Variants in NALF1 observed in about 807,000 individuals in gnomAD.
NALF1 encodes the protein family with sequence similarity 155 member A.
A neutral mutation model predicts 48.4 loss-of-function variants in NALF1; 3 were observed. That is an observed-to-expected ratio of 0.06 (90% confidence interval 0.03 to 0.16). NALF1 has a LOEUF of 0.16. Among genes scored for constraint, NALF1 ranks in the 10% least tolerant of loss-of-function variants. The probability of loss-of-function intolerance (pLI) is 1.00; values close to 1 mark genes in which losing one functional copy is unlikely to be tolerated. For missense variants in NALF1, 526 were observed against 571.5 expected (o/e 0.92, Z 0.81); for synonymous variants, 262 against 245.7 (o/e 1.07, Z -0.62).
At chr13:107,370,833 C>A (rs1336022084) in intron 1 of NALF1, among the ~76,000 whole-genome samples, 1 of 152,292 alleles carries the variant, frequency 6.6e-6, no homozygotes, top group East Asian at 1.9e-4. Context: ...ACACGTCCTT[C>A]TTCACATGGC....
At chr13:107,762,381 C>A (rs954652901) in intron 1 of NALF1, among the ~76,000 whole-genome samples, 3 of 151,914 alleles carry the variant, frequency 2.0e-5, no homozygotes, top group Non-Finnish European at 2.9e-5. Flanking sequence ...ACATATGTAA[C>A]AAACCTGCAC....
At chr13:107,207,272 C>T (rs1483752669) in intron 2 of NALF1, among the ~76,000 whole-genome samples, 1 of 151,924 alleles carries the variant, frequency 6.6e-6, no homozygotes. Flanking sequence ...GATGCTATAA[C>T]TACACTGGTC....
chr13:107,548,031 C>T (rs1054752272), intron 1 of NALF1, among the ~76,000 whole-genome samples: 4 of 151,890 alleles, frequency 2.6e-5, no homozygotes, highest in African/African-American at 9.7e-5. Context: ...TATAGGTGAA[C>T]TCGTGTCACA....
intron 1 of NALF1, among the ~76,000 whole-genome samples, chr13:107,300,826 C>A (rs187061400): frequency 6.6e-6 from 1 of 152,066 alleles, no homozygotes; most frequent in Non-Finnish European, 1.5e-5. Context: ...ATTAGCTAAA[C>A]GAGAGGAACA....
At chr13:107,463,825 T>C (rs1416633954) in intron 1 of NALF1, among the ~76,000 whole-genome samples, 1 of 152,178 alleles carries the variant, frequency 6.6e-6, no homozygotes, top group Non-Finnish European at 1.5e-5. Flanking sequence ...ATACCATTGT[T>C]AATGCCTTAC....
chr13:107,306,091 TCTTA>T (rs1239392536), intron 1 of NALF1, among the ~76,000 whole-genome samples: 2 of 152,322 alleles, frequency 1.3e-5, no homozygotes, highest in Non-Finnish European at 2.9e-5. Context: ...TTAGTTCCAT[TCTTA>T]CTTCTTTATA....
At chr13:107,280,261 T>G (rs1276502158) in intron 1 of NALF1, among the ~76,000 whole-genome samples, 1 of 152,216 alleles carries the variant, frequency 6.6e-6, no homozygotes, top group East Asian at 1.9e-4. Context: ...ATGCTTTCTT[T>G]CCACGAAAAT....
chr13:107,722,495 G>T (rs1876015691), intron 1 of NALF1, among the ~76,000 whole-genome samples: 1 of 152,086 alleles, frequency 6.6e-6, no homozygotes, highest in African/African-American at 2.4e-5. Context: ...TGGGTGTTCT[G>T]GGCACAGGAA....
At chr13:107,801,565 A>G (rs994429333) in intron 1 of NALF1, among the ~76,000 whole-genome samples, 2 of 152,166 alleles carry the variant, frequency 1.3e-5, no homozygotes, top group African/African-American at 2.4e-5. Flanking sequence ...CTGTCAATGG[A>G]AAATATAAAT....
chr13:107,223,020 C>T (rs545773912), intron 1 of NALF1, among the ~76,000 whole-genome samples: 4 of 152,100 alleles, frequency 2.6e-5, no homozygotes, highest in South Asian at 2.1e-4. Context: ...CCATTTTCTC[C>T]GATACATTTT....
At chr13:107,377,111 C>A (rs78945958) in intron 1 of NALF1, among the ~76,000 whole-genome samples, 3,074 of 152,296 alleles carry the variant, frequency 0.02, 50 homozygotes, top group South Asian at 0.041. Flanking sequence ...TAAGTCTACA[C>A]ATCATCTGCT....
intron 1 of NALF1, among the ~76,000 whole-genome samples, chr13:107,667,849 T>C (rs1880898605): frequency 6.6e-6 from 1 of 152,136 alleles, no homozygotes; most frequent in Non-Finnish European, 1.5e-5. Flanking sequence ...AGAAGAGCAT[T>C]CAAATTTTTG....
intron 1 of NALF1, among the ~76,000 whole-genome samples, chr13:107,239,391 T>C (rs1028315501): frequency 2.0e-5 from 3 of 152,184 alleles, no homozygotes; most frequent in Non-Finnish European, 4.4e-5. Context: ...TCTGGTCACA[T>C]GGCCTTCTCC....
At chr13:107,477,613 C>T (rs1885192816) in intron 1 of NALF1, among the ~76,000 whole-genome samples, 1 of 152,102 alleles carries the variant, frequency 6.6e-6, no homozygotes, top group African/African-American at 2.4e-5. Context: ...ACAGGTTACT[C>T]TTGGTAGTTG....
chr13:107,262,756 A>G (rs919515556), intron 1 of NALF1, among the ~76,000 whole-genome samples: 3 of 116,512 alleles, frequency 2.6e-5, no homozygotes, highest in African/African-American at 1.1e-4. Flanking sequence ...ATTAAGTTGC[A>G]TAACCCACAG....
At chr13:107,275,095 C>T (rs890238636) in intron 1 of NALF1, among the ~76,000 whole-genome samples, 3 of 152,138 alleles carry the variant, frequency 2.0e-5, no homozygotes, top group Non-Finnish European at 2.9e-5. Context: ...ACGTATAAGA[C>T]ATGCATACGG....
chr13:107,775,572 G>GT (rs1274854090), intron 1 of NALF1, among the ~76,000 whole-genome samples: 1 of 151,624 alleles, frequency 6.6e-6, no homozygotes, highest in Non-Finnish European at 1.5e-5. Context: ...TATATACCCA[G>GT]TAATGGGATG....
chr13:107,322,539 T>C (rs1882277428), intron 1 of NALF1, among the ~76,000 whole-genome samples: 1 of 152,142 alleles, frequency 6.6e-6, no homozygotes, highest in Non-Finnish European at 1.5e-5. Flanking sequence ...CCATTTGTGA[T>C]TTTCTGGTAC....
chr13:107,319,340 A>T (rs1484760780), intron 1 of NALF1, among the ~76,000 whole-genome samples: 1 of 152,104 alleles, frequency 6.6e-6, no homozygotes, highest in Non-Finnish European at 1.5e-5. Context: ...AGCATGAAGG[A>T]GGTATTCAGG....
Sources: allele counts gnomAD v4.1 joint callset (sites outside exome capture counted in the v4.1 genomes callset), GRCh38; gene constraint gnomAD v4.1.1; transcripts MANE v1.5; gene names NCBI Gene and HGNC (gene_info 2026-07-23, HGNC 2026-07-21).